Variants in CACNB4 observed in about 807,000 individuals in gnomAD.
The protein encoded by CACNB4 is calcium voltage-gated channel auxiliary subunit beta 4.
CACNB4 carries 32 observed loss-of-function variants against 71.2 expected under a neutral mutation model. The ratio of observed to expected loss-of-function variants is 0.45; its 90% CI spans 0.34 to 0.60. The LOEUF (loss-of-function observed/expected upper bound fraction) is 0.60. Ranked by LOEUF, CACNB4 falls within the 20% of genes least tolerant of loss-of-function variation. The pLI is 0.01. For missense variants in CACNB4, 464 were observed against 647.9 expected (o/e 0.72, Z 3.08); for synonymous variants, 231 against 236.9 (o/e 0.97, Z 0.23).
At chr2:152,009,059 C>A (rs926384629) in intron 2 of CACNB4, among the ~76,000 whole-genome samples, 3 of 152,036 alleles carry the variant, frequency 2.0e-5, no homozygotes, top group African/African-American at 7.2e-5. Flanking sequence ...GGCATGGTGG[C>A]TCACACCTTT....
chr2:152,054,481 A>G (rs1251535483), intron 2 of CACNB4, among the ~76,000 whole-genome samples: 1 of 151,728 alleles, frequency 6.6e-6, no homozygotes, highest in Non-Finnish European at 1.5e-5. Flanking sequence ...TCATCAACTG[A>G]TGACCATTTG....
chr2:152,094,620 G>A (rs1036348185), intron 2 of CACNB4, among the ~76,000 whole-genome samples: 17 of 152,072 alleles, frequency 1.1e-4, no homozygotes, highest in Non-Finnish European at 1.6e-4. Flanking sequence ...CATTGAGCCC[G>A]CCCTCTCGTT....
intron 2 of CACNB4, among the ~76,000 whole-genome samples, chr2:152,008,121 C>T (rs1485153235): frequency 1.3e-5 from 2 of 152,024 alleles, no homozygotes; most frequent in Non-Finnish European, 2.9e-5. Flanking sequence ...ACAGTGGCTG[C>T]ACCATTTTAC....
chr2:151,853,435 T>C lies in CACNB4; in HGVS notation c.1116+13A>G. The C allele has an allele frequency of 6.5e-7, 1 of 1,532,208 alleles. No homozygotes were observed. Among genetic ancestry groups the C allele is most frequent in the Non-Finnish European group, 8.9e-7 (1 of 1,124,270 alleles). The allele number at this position is 1,532,208 out of a possible 1,614,324, so 94.9% of individuals were successfully genotyped here. ...AGTCAAGAATGATGAAGACAAAAAA[T>C]GATCATACTTACTGGGGGGCATTGT... is the stretch of plus-strand genomic sequence containing the variant. On this transcript the variant is annotated intron_variant, in intron 12 of 13. Coordinates refer to ENST00000539935, the MANE Select transcript of CACNB4 (RefSeq NM_000726.5).
chr2:151,836,606 A>G lies in CACNB4; in HGVS notation c.*2513T>C, dbSNP rs2099834951. ...CCAAGATTGTCAGCTTTTGAATAAGAATGCAAAGCAAAACAGGTATGGACA... is the reference window on the plus strand; with the variant it reads ...CCAAGATTGTCAGCTTTTGAATAAGGATGCAAAGCAAAACAGGTATGGACA... On this transcript the variant is annotated 3_prime_UTR_variant, in exon 14 of 14. Transcript: ENST00000539935. 2 of 151,984 alleles carry G rather than the reference A, an allele frequency of 1.3e-5. No individual in the cohort carries two copies. Among genetic ancestry groups the G allele is most frequent in the South Asian group, 4.1e-4 (2 of 4,838 alleles). 9.4% of individuals were successfully genotyped at this position (151,984 alleles called of 1,614,324 possible). A position where few individuals can be genotyped will look rare whatever the true frequency, so the allele number is the denominator to read the frequency against.
intron 2 of CACNB4, among the ~76,000 whole-genome samples, chr2:152,070,583 T>G (rs1393512437): frequency 6.6e-6 from 1 of 152,022 alleles, no homozygotes; most frequent in Non-Finnish European, 1.5e-5. Flanking sequence ...ACATCGATAA[T>G]GAAATAATGC....
At chr2:152,045,541 C>CTAA (rs1369816587) in intron 2 of CACNB4, among the ~76,000 whole-genome samples, 1 of 151,958 alleles carries the variant, frequency 6.6e-6, no homozygotes, top group East Asian at 1.9e-4. Context: ...AATTCTGCAT[C>CTAA]TAATGTACTT....
At chr2:152,057,446 T>G (rs545146602) in intron 2 of CACNB4, among the ~76,000 whole-genome samples, 1 of 152,122 alleles carries the variant, frequency 6.6e-6, no homozygotes, top group Non-Finnish European at 1.5e-5. Context: ...AACCTAAAAA[T>G]AAACAAACTG....
At chr2:152,073,147 A>C (rs760165817) in intron 2 of CACNB4, among the ~76,000 whole-genome samples, 5 of 152,216 alleles carry the variant, frequency 3.3e-5, no homozygotes, top group Non-Finnish European at 5.9e-5. Context: ...CACAAATGGC[A>C]TCAGGAAGAA....
At chr2:152,045,289 G>C (rs957716780) in intron 2 of CACNB4, among the ~76,000 whole-genome samples, 12 of 152,130 alleles carry the variant, frequency 7.9e-5, no homozygotes, top group Non-Finnish European at 1.6e-4. Context: ...CATCAACAGA[G>C]GAGTAGCTAA....
chr2:152,047,718 T>G (rs1486630144), intron 2 of CACNB4, among the ~76,000 whole-genome samples: 5 of 151,846 alleles, frequency 3.3e-5, no homozygotes, highest in Non-Finnish European at 7.4e-5. Context: ...ACACAGTAAA[T>G]TAAAACCCTA....
chr2:151,915,699 C>A (rs1406680469), intron 2 of CACNB4, among the ~76,000 whole-genome samples: 1 of 152,044 alleles, frequency 6.6e-6, no homozygotes, highest in Non-Finnish European at 1.5e-5. Flanking sequence ...CAAAAAAAAT[C>A]AGCTGGGCAT....
chr2:151,944,200 ATTTTGT>A (rs1443084686), intron 2 of CACNB4, among the ~76,000 whole-genome samples: 2 of 151,744 alleles, frequency 1.3e-5, no homozygotes, highest in Non-Finnish European at 2.9e-5. Flanking sequence ...CACCTGGCTA[ATTTTGT>A]TTTTAACTTT....
At chr2:152,094,349 G>A (rs538511139) in intron 2 of CACNB4, among the ~76,000 whole-genome samples, 89 of 152,332 alleles carry the variant, frequency 5.8e-4, no homozygotes, top group African/African-American at 2.1e-3. Flanking sequence ...TTCAAACTCT[G>A]TGTCCAGAGC....
At chr2:151,968,757 T>C (rs2099871783) in intron 2 of CACNB4, 1 of 152,186 alleles carries the variant, frequency 6.6e-6, no homozygotes, top group African/African-American at 2.4e-5. Flanking sequence ...CACAGGGCCA[T>C]ATTCTAAAAT....
intron 2 of CACNB4, chr2:151,972,712 T>TG (rs137904518): frequency 0.21 from 31,927 of 151,978 alleles, 3,586 homozygotes; most frequent in Middle Eastern, 0.4. Flanking sequence ...TTTTGTTTTT[T>TG]TTTTGTTATA....
intron 2 of CACNB4, among the ~76,000 whole-genome samples, chr2:152,064,314 T>C (rs940339482): frequency 2.6e-5 from 4 of 152,258 alleles, no homozygotes; most frequent in African/African-American, 4.8e-5. Flanking sequence ...TCTATTTCCA[T>C]ATTCAAATCT....
At chr2:152,054,258 C>T (rs187355365) in intron 2 of CACNB4, among the ~76,000 whole-genome samples, 1,696 of 149,906 alleles carry the variant, frequency 0.011, 36 homozygotes, top group African/African-American at 0.039. Flanking sequence ...CCCAGCTACA[C>T]GGGAGGCTGA....
At chr2:152,022,714 T>C (rs1161718142) in intron 2 of CACNB4, among the ~76,000 whole-genome samples, 3 of 152,248 alleles carry the variant, frequency 2.0e-5, no homozygotes, top group Non-Finnish European at 4.4e-5. Flanking sequence ...TGATTTTTCC[T>C]TAATGAAATA....
Sources: allele counts gnomAD v4.1 joint callset (sites outside exome capture counted in the v4.1 genomes callset), GRCh38; gene constraint gnomAD v4.1.1; transcripts MANE v1.5; gene names NCBI Gene and HGNC (gene_info 2026-07-23, HGNC 2026-07-21).